NCKAP5: variants seen among roughly 807,000 people sequenced by gnomAD.
NCKAP5 encodes NCK associated protein 5.
A neutral mutation model predicts 167.0 loss-of-function variants in NCKAP5; 92 were observed. That is an observed-to-expected ratio of 0.55 (90% CI 0.47 to 0.66). NCKAP5 has a LOEUF of 0.66. NCKAP5 is among the 30% of genes least tolerant of loss of function. NCKAP5 has a pLI of 0.00. For missense variants in NCKAP5, 2,378 were observed against 2,315.0 expected (o/e 1.03, Z -0.56); for synonymous variants, 891 against 877.4 (o/e 1.02, Z -0.27).
intron 8 of NCKAP5, among the ~76,000 whole-genome samples, chr2:132,895,375 TA>T (rs1240666821): frequency 7.0e-6 from 1 of 143,254 alleles, no homozygotes; most frequent in Non-Finnish European, 1.5e-5. Context: ...AAAATCAAAA[TA>T]AGATCTGGCC....
intron 3 of NCKAP5, among the ~76,000 whole-genome samples, chr2:133,439,960 C>T (rs1466153764): frequency 6.6e-6 from 1 of 152,200 alleles, no homozygotes; most frequent in Non-Finnish European, 1.5e-5. Context: ...ATAAAATTCT[C>T]CCTTTTGTAA....
intron 3 of NCKAP5, among the ~76,000 whole-genome samples, chr2:133,361,789 CA>C (rs1685121122): frequency 6.6e-6 from 1 of 152,166 alleles, no homozygotes; most frequent in Non-Finnish European, 1.5e-5. Flanking sequence ...AGACCATTAA[CA>C]AATATGCAAA....
the NCKAP5 span, among the ~76,000 whole-genome samples, chr2:133,670,131 A>T: frequency 6.6e-6 from 1 of 152,224 alleles, no homozygotes; most frequent in Non-Finnish European, 1.5e-5. Flanking sequence ...CAGCTCTGTG[A>T]CTTGGGGAAG....
At chr2:133,256,116 A>G (rs918983218) in intron 4 of NCKAP5, among the ~76,000 whole-genome samples, 3 of 152,136 alleles carry the variant, frequency 2.0e-5, no homozygotes, top group Non-Finnish European at 4.4e-5. Context: ...AAGAAATATA[A>G]TCTGATCAAT....
chr2:132,950,411 G>A (rs931841940), intron 8 of NCKAP5, among the ~76,000 whole-genome samples: 9 of 152,232 alleles, frequency 5.9e-5, no homozygotes, highest in Non-Finnish European at 8.8e-5. Context: ...ACATGGCGAT[G>A]AGCATGGCTT....
intron 5 of NCKAP5, among the ~76,000 whole-genome samples, chr2:133,185,921 T>G (rs1574308059): frequency 6.6e-6 from 1 of 152,140 alleles, no homozygotes; most frequent in Non-Finnish European, 1.5e-5. Flanking sequence ...ATAGTTTGAC[T>G]TCTTCTTTTC....
the NCKAP5 span, among the ~76,000 whole-genome samples, chr2:133,670,984 G>A: frequency 6.6e-6 from 1 of 152,086 alleles, no homozygotes; most frequent in Non-Finnish European, 1.5e-5. Flanking sequence ...GGGAGGCTGA[G>A]GAGGGTGGAT....
chr2:133,380,333 T>C (rs1686431087), intron 3 of NCKAP5, among the ~76,000 whole-genome samples: 1 of 152,188 alleles, frequency 6.6e-6, no homozygotes, highest in African/African-American at 2.4e-5. Flanking sequence ...CAATTTTTTT[T>C]AGTAAAACAA....
At chr2:132,901,748 G>C (rs896486171) in intron 8 of NCKAP5, among the ~76,000 whole-genome samples, 1 of 152,194 alleles carries the variant, frequency 6.6e-6, no homozygotes, top group Non-Finnish European at 1.5e-5. Flanking sequence ...TAGGACTATA[G>C]AAAGAATTTA....
In NCKAP5 at chr2:133,096,489, A is replaced by AAAATAAAT. The variant is rs3051199; in HGVS notation, c.341+33481_341+33488dup. ...GTTGACAGAGTGAGACTCTGTCTCAAAAATAAATAAATAAATAAATAAATA... is the reference window on the plus strand; with the variant it reads ...GTTGACAGAGTGAGACTCTGTCTCAAAAATAAATAAATAAATAAATAAATAAATAAATA... On this transcript the variant is annotated intron_variant, in intron 6 of 19. Coordinates refer to ENST00000409261, the MANE Select transcript of NCKAP5 (RefSeq NM_207363.3). Among the ~76,000 whole-genome samples the AAAATAAAT allele has an allele frequency of 6.4e-3, 944 of 146,886 alleles. 11 individuals carry two copies. The highest frequency in any genetic ancestry group is 0.02 in the African/African-American group (810 of 39,582).
At chr2:133,456,310 A>G (rs1691856654) in intron 3 of NCKAP5, among the ~76,000 whole-genome samples, 1 of 152,186 alleles carries the variant, frequency 6.6e-6, no homozygotes. Flanking sequence ...ACTGATTGCC[A>G]TCGTGTGGGC....
chr2:132,693,977 A>C (rs1687065227), intron 19 of NCKAP5, among the ~76,000 whole-genome samples: 1 of 152,044 alleles, frequency 6.6e-6, no homozygotes, highest in Admixed American at 6.6e-5. Flanking sequence ...GAAACCAGTA[A>C]AAGCACTCTC....
chr2:132,709,104 ACAC>A (rs1688617606), intron 19 of NCKAP5, among the ~76,000 whole-genome samples: 1 of 152,074 alleles, frequency 6.6e-6, no homozygotes, highest in African/African-American at 2.4e-5. Flanking sequence ...GTAACTGTCT[ACAC>A]ATTCTTTTGG....
chr2:132,729,085 A>C, intron 17 of NCKAP5, 133 bp from the exon 18 acceptor site: 1 of 1,156,438 alleles, frequency 8.6e-7, no homozygotes, highest in Non-Finnish European at 1.2e-6. Context: ...GCTTCCTGCC[A>C]CTCTGTCCCA....
At chr2:133,304,405 A>C (rs1474446463) in intron 3 of NCKAP5, among the ~76,000 whole-genome samples, 1 of 152,216 alleles carries the variant, frequency 6.6e-6, no homozygotes, top group East Asian at 1.9e-4. Context: ...TCTGTTATAG[A>C]TAATTAGCTA....
chr2:133,664,102 T>C, the NCKAP5 span, among the ~76,000 whole-genome samples: 1 of 152,200 alleles, frequency 6.6e-6, no homozygotes, highest in African/African-American at 2.4e-5. Context: ...ACAACTCCTT[T>C]GGAGCTCTTG....
intron 4 of NCKAP5, among the ~76,000 whole-genome samples, chr2:133,245,566 T>A (rs563055561): frequency 1.6e-4 from 24 of 152,274 alleles, no homozygotes; most frequent in African/African-American, 4.8e-4. Flanking sequence ...GTTTTCACTT[T>A]GTGAAAAACC....
intron 11 of NCKAP5, among the ~76,000 whole-genome samples, chr2:132,846,072 T>C (rs1372233132): frequency 6.6e-6 from 1 of 152,180 alleles, no homozygotes; most frequent in Non-Finnish European, 1.5e-5. Context: ...CATTTTCCAA[T>C]TGGTTGTTAC....
At chr2:133,036,799 G>A (rs2149441909) in intron 6 of NCKAP5, among the ~76,000 whole-genome samples, 1 of 152,032 alleles carries the variant, frequency 6.6e-6, no homozygotes, top group African/African-American at 2.4e-5. Flanking sequence ...ATTCACCATA[G>A]TATTAGAAAT....
Sources: gnomAD v4.1 joint callset for allele counts (sites outside exome capture counted in the v4.1 genomes callset) on GRCh38, gnomAD v4.1.1 for gene constraint, MANE v1.5 for transcripts, NCBI Gene and HGNC (gene_info 2026-07-23, HGNC 2026-07-21) for gene names.